The following CAMK4 variants were observed in gnomAD, a reference collection of about 807,000 sequenced individuals.
The protein encoded by CAMK4 is calcium/calmodulin dependent protein kinase IV, also known as calcium/calmodulin-dependent protein kinase type IV.
Under a neutral mutation model 44.9 loss-of-function variants are expected in CAMK4, and 22 were observed. The ratio of observed to expected loss-of-function variants is 0.49; its 90% CI spans 0.35 to 0.70. CAMK4 has a LOEUF of 0.70. Among genes scored for constraint, CAMK4 ranks in the 30% least tolerant of loss-of-function variants. CAMK4 has a pLI of 0.01. For missense variants in CAMK4, 498 were observed against 586.8 expected, an observed-to-expected ratio of 0.85 and a Z score of 1.56; for synonymous variants, 218 against 215.4, an observed-to-expected ratio of 1.01 and a Z score of -0.11.
chr5:111,439,037 C>G (rs1362761442), intron 5 of CAMK4, among the ~76,000 whole-genome samples: 1 of 152,186 alleles, frequency 6.6e-6, no homozygotes, highest in Non-Finnish European at 1.5e-5. Context: ...CAAACAGGCA[C>G]AGTCCCTACA....
chr5:111,320,505 TTTG>T (rs758628479), intron 1 of CAMK4, among the ~76,000 whole-genome samples: 6,793 of 152,232 alleles, frequency 0.045, 174 homozygotes, highest in Middle Eastern at 0.082. Context: ...TTGTTGTTTG[TTTG>T]TTCGTTTGTT....
intron 1 of CAMK4, among the ~76,000 whole-genome samples, chr5:111,341,816 A>G (rs1749657156): frequency 6.6e-6 from 1 of 151,314 alleles, no homozygotes. Context: ...TGTAACTTGC[A>G]TGGGGTCATG....
rs1755473701 is a variant in CAMK4, at chr5:111,482,683, G to T, written c.829-102G>T. On this transcript the variant is annotated intron_variant, in intron 9 of 10. Coordinates refer to ENST00000282356, the MANE Select transcript of CAMK4 (RefSeq NM_001744.6). The surrounding 1 kb of genome is among the most constrained non-coding windows in gnomAD (Gnocchi z 4.9). ...ATTTTTTTCTCACATATATTTAGTG[G>T]TACTGCTGGGAAATGGAATAAGATC... 1 of 944,440 alleles carries T rather than the reference G, an allele frequency of 1.1e-6. No homozygotes were observed. Among genetic ancestry groups the T allele is most frequent in the African/African-American group, 1.7e-5 (1 of 59,980 alleles). 58.5% of individuals were successfully genotyped at this position (944,440 alleles called of 1,614,324 possible). A position where few individuals can be genotyped will look rare whatever the true frequency, so the allele number is the denominator to read the frequency against.
chr5:111,475,293 G>T (rs1405527365), intron 8 of CAMK4, among the ~76,000 whole-genome samples: 2 of 152,296 alleles, frequency 1.3e-5, no homozygotes, highest in South Asian at 2.1e-4. Context: ...TTAGGTACCA[G>T]TGTACCAACA....
At chr5:111,376,162 C>G (rs1402854856) in intron 3 of CAMK4, among the ~76,000 whole-genome samples, 1 of 151,980 alleles carries the variant, frequency 6.6e-6, no homozygotes, top group Admixed American at 6.6e-5. Context: ...ACTCCATCAC[C>G]ACTTTTACAT....
intron 5 of CAMK4, among the ~76,000 whole-genome samples, chr5:111,430,878 C>A (rs1478085848): frequency 6.6e-6 from 1 of 151,888 alleles, no homozygotes; most frequent in East Asian, 1.9e-4. Flanking sequence ...CCTTACTACC[C>A]AAGGCAATCT....
chr5:111,393,879 T>G lies in CAMK4; in HGVS notation c.387-831T>G, dbSNP rs957411860. 3.3e-5 allele frequency among the ~76,000 whole-genome samples: 5 copies of G among 151,582 alleles called. No individual in the cohort carries two copies. In the South Asian group the frequency reaches 8.3e-4, roughly 25 times the overall value. ...CTGAACTTAAAAGTTTTGTGTTTTTTTTTTTTTTTTAAAGAATCACATTAC... is the reference window on the plus strand; with the variant it reads ...CTGAACTTAAAAGTTTTGTGTTTTTGTTTTTTTTTTAAAGAATCACATTAC... On this transcript the variant is annotated intron_variant, in intron 4 of 10. Transcript: ENST00000282356.
At chr5:111,343,991 TA>T in intron 1 of CAMK4, 32 bp from the exon 2 acceptor site, 1 of 1,293,548 alleles carries the variant, frequency 7.7e-7, no homozygotes, top group Non-Finnish European at 1.1e-6. Flanking sequence ...GTCCAAAGCA[TA>T]ACATTTTCTT....
At chr5:111,326,847 A>G (rs1282002459) in intron 1 of CAMK4, among the ~76,000 whole-genome samples, 2 of 151,922 alleles carry the variant, frequency 1.3e-5, no homozygotes, top group African/African-American at 4.8e-5. Context: ...ATTATTATGT[A>G]ATTAATATTA....
At chr5:111,437,411 T>C (rs1315754661) in intron 5 of CAMK4, among the ~76,000 whole-genome samples, 2 of 152,232 alleles carry the variant, frequency 1.3e-5, no homozygotes, top group East Asian at 1.9e-4. Flanking sequence ...CAAAAGCGTT[T>C]ACTGAATGCA....
At chr5:111,355,539 A>G (rs552616459) in intron 2 of CAMK4, among the ~76,000 whole-genome samples, 2 of 131,586 alleles carry the variant, frequency 1.5e-5, no homozygotes, top group African/African-American at 5.3e-5. Context: ...TTTAGGGTAC[A>G]TGTGCACAAT....
chr5:111,316,276 T>G (rs1748419408), intron 1 of CAMK4, among the ~76,000 whole-genome samples: 1 of 152,184 alleles, frequency 6.6e-6, no homozygotes, highest in Non-Finnish European at 1.5e-5. Context: ...AGCTCAGTTC[T>G]TTTTCTATGA....
Position 111,490,694 on chromosome 5 carries a change from T to C in CAMK4, c.*6228T>C, listed in dbSNP as rs555444389. On this transcript the variant is annotated 3_prime_UTR_variant, in exon 11 of 11. Coordinates refer to ENST00000282356, the MANE Select transcript of CAMK4 (RefSeq NM_001744.6). Reference sequence around the variant, plus strand: ...TTTTATATACCTACAATACAGTTAATATGCAGCAGCGTAGAGAACAAATAG... The same window carrying C: ...TTTTATATACCTACAATACAGTTAACATGCAGCAGCGTAGAGAACAAATAG... 70 of 152,338 alleles carry C rather than the reference T, an allele frequency of 4.6e-4. No individual in the cohort carries two copies. Among genetic ancestry groups the C allele is most frequent in the African/African-American group, 1.6e-3 (65 of 41,580 alleles). 9.4% of individuals were successfully genotyped at this position (152,338 alleles called of 1,614,324 possible). A position where few individuals can be genotyped will look rare whatever the true frequency, so the allele number is the denominator to read the frequency against.
Position 111,443,279 on chromosome 5 carries a change from T to TATATATAC in CAMK4, c.460-3406_460-3405insTATATACA, listed in dbSNP as rs1401315422. Among the ~76,000 whole-genome samples the TATATATAC allele has an allele frequency of 1.9e-3, 70 of 37,468 alleles. 1 individual carries two copies. The highest frequency in any genetic ancestry group is 2.6e-3 in the Non-Finnish European group (48 of 18,458). 24.6% of individuals were successfully genotyped at this position (37,468 alleles called of 152,430 possible). A position where few individuals can be genotyped will look rare whatever the true frequency, so the allele number is the denominator to read the frequency against. On this transcript the variant is annotated intron_variant, in intron 5 of 10. Transcript: ENST00000282356. ...ATATATATATATATATATATATATATACACACACACACACACACACACACA... is the reference window on the plus strand; with the variant it reads ...ATATATATATATATATATATATATATATATATACACACACACACACACACACACACACA...
At position 111,224,526 on chromosome 5, in the gene CAMK4, T is replaced by C; in HGVS notation, c.43T>C (p.Ser15Pro). The change falls in exon 1 of 11, where the codon TCT (serine) becomes CCT (proline). Residue 15 changes from serine to proline, a missense_variant. Ser to Pro is a moderately conservative substitution (Grantham distance 74). This residue lies in a region of CAMK4 where 152 missense variants were observed against 143.7 expected (regional missense o/e 1.06). Coordinates refer to ENST00000282356, the MANE Select transcript of CAMK4 (RefSeq NM_001744.6). This position sits in a 1 kb window ranked among gnomAD's most constrained non-coding sequence, Gnocchi z 5.7. Reference sequence around the variant, plus strand: ...GCCCTCCTGCTCCGCCTCGTCCTGCTCTTCGGTCACCGCCAGTGCGGCCCC... The same window carrying C: ...GCCCTCCTGCTCCGCCTCGTCCTGCCCTTCGGTCACCGCCAGTGCGGCCCC... ...TVPSCSASSC[S>P]SVTASAAPGT... 6.2e-7 allele frequency: 1 copy of C among 1,611,416 alleles called. No individual in the cohort carries two copies. Among genetic ancestry groups the C allele is most frequent in the Non-Finnish European group, 8.5e-7 (1 of 1,179,362 alleles).
At chr5:111,366,742 C>T (rs1003145929) in intron 2 of CAMK4, among the ~76,000 whole-genome samples, 6 of 152,048 alleles carry the variant, frequency 3.9e-5, no homozygotes, top group African/African-American at 1.4e-4. Context: ...ACTTCTTTCT[C>T]CCCTACCATG....
chr5:111,470,648 A>G (rs901622547), intron 7 of CAMK4, among the ~76,000 whole-genome samples: 2 of 152,234 alleles, frequency 1.3e-5, no homozygotes, highest in Non-Finnish European at 2.9e-5. Context: ...TTATTAACTG[A>G]AAAAACAATA....
At chr5:111,416,227 A>G (rs1440543239) in intron 5 of CAMK4, among the ~76,000 whole-genome samples, 1 of 152,116 alleles carries the variant, frequency 6.6e-6, no homozygotes, top group Non-Finnish European at 1.5e-5. Context: ...CATATATATG[A>G]ACAAACTCCC....
chr5:111,332,231 T>G (rs1288738795), intron 1 of CAMK4, among the ~76,000 whole-genome samples: 1 of 44,670 alleles, frequency 2.2e-5, no homozygotes, highest in Non-Finnish European at 4.2e-5. Context: ...CCCTCCCCCC[T>G]CCCCCCACCC....
Sources: allele counts gnomAD v4.1 joint callset (sites outside exome capture counted in the v4.1 genomes callset), GRCh38; gene constraint gnomAD v4.1.1; regional missense constraint gnomAD v4.1.1; non-coding constraint Gnocchi (gnomAD v3.1); transcripts MANE v1.5; gene names NCBI Gene and HGNC (gene_info 2026-07-23, HGNC 2026-07-21).